The following CELF4 variants were observed in gnomAD, a reference collection of about 807,000 sequenced individuals.
The protein encoded by CELF4 is CUGBP Elav-like family member 4, also known as CUG-BP- and ETR-3-like factor 4.
CELF4 carries 18 observed loss-of-function variants against 59.9 expected under a neutral mutation model. That is an observed-to-expected ratio of 0.30 (90% confidence interval 0.21 to 0.45). CELF4 has a LOEUF of 0.45. CELF4 is among the 20% of genes least tolerant of loss of function. The pLI is 1.00. For missense variants in CELF4, 456 were observed against 689.0 expected, an observed-to-expected ratio of 0.66 and a Z score of 3.79; for synonymous variants, 261 against 267.1, an observed-to-expected ratio of 0.98 and a Z score of 0.22.
chr18:37,273,233 C>T, intron 6 of CELF4, 70 bp from the exon 7 acceptor site: 1 of 1,548,130 alleles, frequency 6.5e-7, no homozygotes, highest in Non-Finnish European at 8.8e-7. Flanking sequence ...GGGGCCTCAG[C>T]TCCTGGAGAC....
At chr18:37,530,139 C>T (rs1453462968) in intron 1 of CELF4, among the ~76,000 whole-genome samples, 1 of 152,192 alleles carries the variant, frequency 6.6e-6, no homozygotes, top group African/African-American at 2.4e-5. Flanking sequence ...AGCCTTCCTG[C>T]ACTTCGGGTG....
At chr18:37,392,783 A>G (rs972206370) in intron 2 of CELF4, among the ~76,000 whole-genome samples, 3 of 152,252 alleles carry the variant, frequency 2.0e-5, no homozygotes, top group East Asian at 1.9e-4. Context: ...GTGGTCCCTC[A>G]GGTCTCAGCT....
intron 8 of CELF4, among the ~76,000 whole-genome samples, chr18:37,268,250 C>T (rs1480597292): frequency 3.3e-5 from 5 of 152,320 alleles, no homozygotes; most frequent in African/African-American, 1.2e-4. Flanking sequence ...CCCAGTCCCA[C>T]ACCCTGTCCC....
intron 8 of CELF4, among the ~76,000 whole-genome samples, chr18:37,269,122 C>T (rs915510121): frequency 6.6e-6 from 1 of 152,100 alleles, no homozygotes; most frequent in Non-Finnish European, 1.5e-5. Flanking sequence ...TCTCCCAGCC[C>T]ATGAGCCTTA....
At chr18:37,380,854 TTATCCATCCATCCATC>T (rs976095254) in intron 2 of CELF4, among the ~76,000 whole-genome samples, 2 of 129,840 alleles carry the variant, frequency 1.5e-5, no homozygotes, top group African/African-American at 5.8e-5. Context: ...CTCCATCCAT[TTATCCATCCATCCATC>T]TATCAATCAA....
chr18:37,426,297 C>T (rs1044909548), intron 2 of CELF4, among the ~76,000 whole-genome samples: 1 of 152,202 alleles, frequency 6.6e-6, no homozygotes, highest in African/African-American at 2.4e-5. Context: ...TCTCCTCTAT[C>T]AGCCTCAGTT....
intron 3 of CELF4, among the ~76,000 whole-genome samples, chr18:37,289,778 G>A (rs879853479): frequency 7.2e-5 from 11 of 152,328 alleles, no homozygotes; most frequent in East Asian, 1.9e-4. Context: ...AGTAAGTGGC[G>A]CAGGTGAGGC....
At chr18:37,494,505 G>A (rs2099922690) in intron 1 of CELF4, among the ~76,000 whole-genome samples, 1 of 152,200 alleles carries the variant, frequency 6.6e-6, no homozygotes. Flanking sequence ...GCTCCTACTG[G>A]TCCCCAGGAG....
chr18:37,401,979 C>G lies in CELF4; in HGVS notation c.370-80098G>C, dbSNP rs376102954. Among the ~76,000 whole-genome samples, 25 of 152,332 alleles carry G rather than the reference C, an allele frequency of 1.6e-4. No homozygotes were observed. The East Asian group carries it at 2.7e-3, about 17-fold the overall frequency. Reference sequence around the variant, plus strand: ...CTCTCTGGTTATAGCCCACTGTCTCCTTGGGGCTGTCTGCCTTTAAAACCT... The same window carrying G: ...CTCTCTGGTTATAGCCCACTGTCTCGTTGGGGCTGTCTGCCTTTAAAACCT... On this transcript the variant is annotated intron_variant, in intron 2 of 12. Coordinates refer to ENST00000420428, the MANE Select transcript of CELF4 (RefSeq NM_020180.4).
chr18:37,463,064 A>G (rs2099798232), intron 2 of CELF4, among the ~76,000 whole-genome samples: 1 of 152,218 alleles, frequency 6.6e-6, no homozygotes, highest in Non-Finnish European at 1.5e-5. Context: ...CTTTTCCAGA[A>G]GACACAATGA....
chr18:37,291,658 T>C (rs2095340060), intron 3 of CELF4, among the ~76,000 whole-genome samples: 1 of 152,186 alleles, frequency 6.6e-6, no homozygotes, highest in African/African-American at 2.4e-5. Context: ...TAGAATCCTT[T>C]TGATTTGTAG....
At chr18:37,503,839 C>T (rs2099934493) in intron 1 of CELF4, among the ~76,000 whole-genome samples, 1 of 152,170 alleles carries the variant, frequency 6.6e-6, no homozygotes, top group Admixed American at 6.5e-5. Context: ...TTCAAGGTCC[C>T]TGTTCCATTT....
At chr18:37,502,130 A>ATGCGC (rs1046715679) in intron 1 of CELF4, among the ~76,000 whole-genome samples, 4 of 152,102 alleles carry the variant, frequency 2.6e-5, no homozygotes, top group Admixed American at 2.6e-4. Context: ...AGCGGTTGAG[A>ATGCGC]TGCGCACTCT....
At chr18:37,516,641 T>A (rs2099950909) in intron 1 of CELF4, among the ~76,000 whole-genome samples, 1 of 152,240 alleles carries the variant, frequency 6.6e-6, no homozygotes, top group African/African-American at 2.4e-5. Context: ...CAAGCTGAGA[T>A]GTGGAGACCA....
chr18:37,325,200 C>A (rs2097264443), intron 2 of CELF4, among the ~76,000 whole-genome samples: 1 of 152,148 alleles, frequency 6.6e-6, no homozygotes, highest in Non-Finnish European at 1.5e-5. Flanking sequence ...AGACTCCATT[C>A]CTAGGGCCAG....
intron 1 of CELF4, among the ~76,000 whole-genome samples, chr18:37,490,191 G>A (rs949345): frequency 0.27 from 41,494 of 151,956 alleles, 5,930 homozygotes; most frequent in Non-Finnish European, 0.31. Context: ...CAATCAACTC[G>A]CCCATTATAT....
At chr18:37,349,045 C>G (rs1036557722) in intron 2 of CELF4, among the ~76,000 whole-genome samples, 3 of 152,202 alleles carry the variant, frequency 2.0e-5, no homozygotes, top group Non-Finnish European at 4.4e-5. Context: ...CTGGAGATCG[C>G]AGGGTGCAAC....
intron 3 of CELF4, among the ~76,000 whole-genome samples, chr18:37,295,812 C>T (rs1414709621): frequency 6.6e-6 from 1 of 152,192 alleles, no homozygotes; most frequent in East Asian, 1.9e-4. Flanking sequence ...TTGATCTTTC[C>T]AGCATTGGCG....
intron 1 of CELF4, among the ~76,000 whole-genome samples, chr18:37,505,354 T>C (rs964993887): frequency 2.0e-5 from 3 of 152,240 alleles, no homozygotes; most frequent in African/African-American, 7.2e-5. Context: ...CTTAGATTCC[T>C]GGTTAATCTT....
Sources: allele counts gnomAD v4.1 joint callset (sites outside exome capture counted in the v4.1 genomes callset), GRCh38; gene constraint gnomAD v4.1.1; transcripts MANE v1.5; gene names NCBI Gene and HGNC (gene_info 2026-07-23, HGNC 2026-07-21).